Variants in USP10 observed in about 807,000 individuals in gnomAD.
The protein encoded by USP10 is ubiquitin carboxyl-terminal hydrolase 10.
In USP10, 22 loss-of-function variants were observed where a neutral mutation model predicts 84.5. That is an observed-to-expected ratio of 0.26 (90% CI 0.19 to 0.37). USP10 has a LOEUF of 0.37. Ranked by LOEUF, USP10 falls within the 10% of genes least tolerant of loss-of-function variation. The probability of loss-of-function intolerance (pLI) is 1.00; values close to 1 mark genes in which losing one functional copy is unlikely to be tolerated. For missense variants in USP10, 1,019 were observed against 998.9 expected (o/e 1.02, Z -0.27); for synonymous variants, 454 against 387.6 (o/e 1.17, Z -2.01).
intron 1 of USP10, among the ~76,000 whole-genome samples, chr16:84,713,148 A>G (rs1597279250): frequency 6.6e-6 from 1 of 151,706 alleles, no homozygotes; most frequent in South Asian, 2.1e-4. Flanking sequence ...TCTTTCCCCC[A>G]CCTTTGTGAC....
chr16:84,716,639 A>G (rs1366637794), intron 1 of USP10: 1 of 152,194 alleles, frequency 6.6e-6, no homozygotes, highest in Non-Finnish European at 1.5e-5. Context: ...TCTTCAGAGC[A>G]TGGGGGAAGA....
intron 1 of USP10, among the ~76,000 whole-genome samples, chr16:84,700,952 C>T (rs1904791527): frequency 6.6e-6 from 1 of 152,010 alleles, no homozygotes; most frequent in Admixed American, 6.6e-5. Context: ...GGACAAAAAT[C>T]GGCATGATGT....
intron 1 of USP10, chr16:84,704,940 AATTGTTAGGAG>A: frequency 9.8e-6 from 15 of 1,529,310 alleles, no homozygotes; most frequent in Non-Finnish European, 1.3e-5. Flanking sequence ...CTCACATGAG[AATTGTTAGGAG>A]AATGTGCATG....
chr16:84,725,111 T>G (rs1908286418), intron 1 of USP10, among the ~76,000 whole-genome samples: 1 of 152,228 alleles, frequency 6.6e-6, no homozygotes, highest in Non-Finnish European at 1.5e-5. Flanking sequence ...TCACAAAGTT[T>G]TGCAGCTAAC....
intron 1 of USP10, among the ~76,000 whole-genome samples, chr16:84,718,025 A>G (rs1907277723): frequency 1.3e-5 from 2 of 152,334 alleles, no homozygotes; most frequent in Admixed American, 1.3e-4. Flanking sequence ...GATTGGAAGA[A>G]CAATGATGAG....
chr16:84,772,392 C>A, intron 11 of USP10, 149 bp from the exon 12 acceptor site: 1 of 1,067,580 alleles, frequency 9.4e-7, no homozygotes, highest in Non-Finnish European at 1.4e-6. Flanking sequence ...GATCTCAGAG[C>A]TTCTGTGGGG....
chr16:84,749,712 T>C (rs1248209197), intron 4 of USP10, among the ~76,000 whole-genome samples: 2 of 152,254 alleles, frequency 1.3e-5, no homozygotes, highest in East Asian at 3.8e-4. Context: ...CAGCTAGTTT[T>C]TATGCCATCA....
chr16:84,749,327 G>A (rs764405190), intron 4 of USP10, among the ~76,000 whole-genome samples: 13 of 152,160 alleles, frequency 8.5e-5, no homozygotes, highest in Non-Finnish European at 1.6e-4. Flanking sequence ...TGAAAGTCTA[G>A]TTTCATTAAA....
At position 84,766,359 on chromosome 16, in the gene USP10, G is replaced by T. The variant is rs140888500; in HGVS notation, c.1833-1834G>T. Among the ~76,000 whole-genome samples the T allele has an allele frequency of 7.9e-5, 12 of 152,344 alleles. No homozygotes were observed. In the East Asian group the frequency reaches 1.3e-3, roughly 17 times the overall value. On this transcript the variant is annotated intron_variant, in intron 10 of 13. Transcript: ENST00000219473. The stretch of plus-strand genomic sequence containing the variant: ...AGTGTCCACGGCAGCTGGGTGGTCA[G>T]TTGTCACCTGGGAAACACCCAGCCC...
At chr16:84,770,642 G>A (rs1469394878) in intron 11 of USP10, among the ~76,000 whole-genome samples, 1 of 151,802 alleles carries the variant, frequency 6.6e-6, no homozygotes, top group Non-Finnish European at 1.5e-5. Flanking sequence ...CATGGTGGCA[G>A]GCGCCTGTAA....
rs776358734 is a variant in USP10 at position 84,733,482 on chromosome 16, G to A, written c.69G>A (p.Val23=). The change falls in exon 2 of 14, where the codon GTG becomes GTA. Residue 23 remains valine (V), a synonymous_variant. Coordinates refer to ENST00000219473, the MANE Select transcript of USP10 (RefSeq NM_005153.3). ...FSPDEFNQFF[V]TPRSSVELPP... is the part of the protein sequence containing the mutation. ...CTGATGAATTCAATCAATTCTTTGT[G>A]ACTCCTCGATCTTCAGTTGAGGTAA... is the stretch of plus-strand genomic sequence containing the variant. 2 of 1,609,492 alleles carry A rather than the reference G, an allele frequency of 1.2e-6. No homozygotes were observed. The highest frequency in any genetic ancestry group is 2.2e-5 in the South Asian group (2 of 90,398).
Position 84,779,085 on chromosome 16 carries a change from C to A in USP10, c.*3C>A. ...ACCGCCGAGTGGACCTGCTGTAAAC[C>A]CTGTGTGCGCTGTGTGTGCGCCCAG... is the stretch of plus-strand genomic sequence containing the variant. On this transcript the variant is annotated 3_prime_UTR_variant, in exon 14 of 14. Coordinates refer to ENST00000219473, the MANE Select transcript of USP10 (RefSeq NM_005153.3). 2 of 1,610,626 alleles carry A rather than the reference C, an allele frequency of 1.2e-6. No homozygotes were observed. Among genetic ancestry groups the A allele is most frequent in the South Asian group, 1.1e-5 (1 of 90,950 alleles).
Position 84,700,127 on chromosome 16 carries a change from C to A in USP10, c.21+16C>A. On this transcript the variant is annotated intron_variant, in intron 1 of 13. Transcript: ENST00000219473. The stretch of plus-strand genomic sequence containing the variant: ...CAGCCCGCAGGTAGCCGCCGGTCTG[C>A]GCCTTCGGCCGGAAGGGGCCCGAGC... 1 of 1,338,612 alleles carries A rather than the reference C, an allele frequency of 7.5e-7. No homozygotes were observed. Among genetic ancestry groups the A allele is most frequent in the African/African-American group, 1.5e-5 (1 of 64,736 alleles). 82.9% of individuals were successfully genotyped at this position (1,338,612 alleles called of 1,614,324 possible).
chr16:84,773,848 C>T (rs750580567), intron 12 of USP10, among the ~76,000 whole-genome samples: 2 of 152,218 alleles, frequency 1.3e-5, no homozygotes, highest in Non-Finnish European at 2.9e-5. Flanking sequence ...TCCAGATCAG[C>T]TGTCTGAGCT....
intron 12 of USP10, among the ~76,000 whole-genome samples, chr16:84,773,622 A>G (rs1339439649): frequency 1.3e-5 from 2 of 152,164 alleles, no homozygotes; most frequent in Non-Finnish European, 1.5e-5. Context: ...TGCCGGGTTT[A>G]GTGTCCGTTG....
intron 6 of USP10, 58 bp downstream of exon 6, chr16:84,759,530 G>T (rs1316710734): frequency 6.8e-7 from 1 of 1,466,064 alleles, no homozygotes; most frequent in Non-Finnish European, 9.6e-7. Context: ...CTGATAATTA[G>T]AATTGAAATA....
chr16:84,733,364 T>C (rs958309), intron 1 of USP10, 71 bp from the exon 2 acceptor site: 166,560 of 1,226,298 alleles, frequency 0.14, 12,668 homozygotes, highest in East Asian at 0.25. Flanking sequence ...TGTTAAAATA[T>C]GTAGCATTTT....
At chr16:84,768,426 T>G (rs563368867) in intron 11 of USP10, 68 bp downstream of exon 11, 3 of 1,405,478 alleles carry the variant, frequency 2.1e-6, no homozygotes, top group African/African-American at 2.8e-5. Context: ...AACACAAAAT[T>G]AGGAATGAGG....
chr16:84,720,271 G>C (rs1378676318), intron 1 of USP10, among the ~76,000 whole-genome samples: 1 of 152,202 alleles, frequency 6.6e-6, no homozygotes, highest in Non-Finnish European at 1.5e-5. Flanking sequence ...GCCTCCAGTA[G>C]CTGGCCTTCT....
Sources: gnomAD v4.1 joint callset for allele counts (sites outside exome capture counted in the v4.1 genomes callset) on GRCh38, gnomAD v4.1.1 for gene constraint, MANE v1.5 for transcripts, NCBI Gene and HGNC (gene_info 2026-07-23, HGNC 2026-07-21) for gene names.